Variants in NPAS3 observed in about 807,000 individuals in gnomAD.
NPAS3 encodes neuronal PAS domain-containing protein 3.
A neutral mutation model predicts 73.1 loss-of-function variants in NPAS3; 14 were observed. That is an observed-to-expected ratio of 0.19 (90% confidence interval 0.13 to 0.30). NPAS3 has a LOEUF of 0.30. NPAS3 is among the 10% of genes least tolerant of loss of function. NPAS3 has a pLI of 1.00. For synonymous variants in NPAS3, 620 were observed against 541.5 expected (o/e 1.14, Z -2.01); for missense variants, 1,096 against 1,250.0 (o/e 0.88, Z 1.86).
intron 3 of NPAS3, among the ~76,000 whole-genome samples, chr14:33,236,448 A>T (rs2048036835): frequency 6.6e-6 from 1 of 152,162 alleles, no homozygotes; most frequent in East Asian, 1.9e-4. Context: ...TGGAGCTTGG[A>T]GAAATAGAAG....
chr14:33,553,762 C>A (rs1469573211), intron 4 of NPAS3, among the ~76,000 whole-genome samples: 1 of 152,116 alleles, frequency 6.6e-6, no homozygotes. Context: ...GAAAATAAGG[C>A]TTTTGTTTCT....
intron 5 of NPAS3, among the ~76,000 whole-genome samples, chr14:33,584,070 C>A (rs1021363008): frequency 6.6e-6 from 1 of 152,154 alleles, no homozygotes; most frequent in Non-Finnish European, 1.5e-5. Flanking sequence ...GTACCTTTGT[C>A]ACCAATAGAA....
intron 6 of NPAS3, among the ~76,000 whole-genome samples, chr14:33,697,325 T>C (rs925318739): frequency 6.6e-6 from 1 of 152,198 alleles, no homozygotes; most frequent in Non-Finnish European, 1.5e-5. Context: ...AGCCAGAGCT[T>C]ACATAACAGA....
chr14:33,587,618 C>A (rs971374110), intron 5 of NPAS3, among the ~76,000 whole-genome samples: 1 of 152,182 alleles, frequency 6.6e-6, no homozygotes, highest in African/African-American at 2.4e-5. Context: ...ATCAGGCCAT[C>A]AAAGAAACTC....
intron 3 of NPAS3, among the ~76,000 whole-genome samples, chr14:33,253,469 CA>C (rs960932806): frequency 4.6e-5 from 7 of 152,062 alleles, no homozygotes; most frequent in Non-Finnish European, 1.0e-4. Context: ...TTATGAGAAG[CA>C]GCTCCTCACA....
chr14:33,370,348 G>T (rs2046032565), intron 4 of NPAS3, among the ~76,000 whole-genome samples: 1 of 152,146 alleles, frequency 6.6e-6, no homozygotes, highest in Non-Finnish European at 1.5e-5. Context: ...GCAAAGAAAA[G>T]GGAAGAATAT....
At chr14:33,095,176 G>T (rs1252144990) in intron 2 of NPAS3, among the ~76,000 whole-genome samples, 3 of 152,210 alleles carry the variant, frequency 2.0e-5, no homozygotes, top group African/African-American at 7.2e-5. Flanking sequence ...AAAATTGGAG[G>T]CTGTGCGGTG....
chr14:33,562,417 C>T (rs1416333010), intron 5 of NPAS3, among the ~76,000 whole-genome samples: 2 of 152,148 alleles, frequency 1.3e-5, no homozygotes, highest in African/African-American at 4.8e-5. Context: ...GCCTTCTTCT[C>T]CTGTGGTGGA....
intron 4 of NPAS3, among the ~76,000 whole-genome samples, chr14:33,413,201 GACA>G (rs983234765): frequency 6.6e-6 from 1 of 151,238 alleles, no homozygotes; most frequent in African/African-American, 2.4e-5. Flanking sequence ...CATATGTGAG[GACA>G]ACACTTTTCT....
intron 5 of NPAS3, among the ~76,000 whole-genome samples, chr14:33,594,656 T>C (rs1017836692): frequency 3.3e-5 from 5 of 152,164 alleles, no homozygotes; most frequent in Admixed American, 6.5e-5. Context: ...TCTTTAGTTC[T>C]CAGCCCTGAG....
intron 1 of NPAS3, among the ~76,000 whole-genome samples, chr14:33,026,793 G>A (rs1048051368): frequency 6.6e-6 from 1 of 151,982 alleles, no homozygotes; most frequent in Non-Finnish European, 1.5e-5. Context: ...CCTTTTTATT[G>A]CTTTTGTTAA....
At chr14:33,139,935 C>T (rs991729639) in intron 2 of NPAS3, among the ~76,000 whole-genome samples, 6 of 115,196 alleles carry the variant, frequency 5.2e-5, no homozygotes, top group Non-Finnish European at 9.8e-5. Flanking sequence ...TAATATTCTG[C>T]CTGCATGATT....
intron 5 of NPAS3, among the ~76,000 whole-genome samples, chr14:33,580,858 G>T (rs574941182): frequency 6.7e-6 from 1 of 150,354 alleles, no homozygotes; most frequent in African/African-American, 2.4e-5. Flanking sequence ...ATATTTGGAA[G>T]AGCTGCTTTT....
chr14:33,210,499 G>A (rs1156742286), intron 2 of NPAS3, among the ~76,000 whole-genome samples: 1 of 152,052 alleles, frequency 6.6e-6, no homozygotes, highest in Non-Finnish European at 1.5e-5. Flanking sequence ...ACTTGTCCTG[G>A]GTGAGCTCTC....
At chr14:33,215,598 C>A in intron 3 of NPAS3, 172 bp downstream of exon 3, 1 of 785,226 alleles carries the variant, frequency 1.3e-6, no homozygotes, top group Non-Finnish European at 2.3e-6. Context: ...GTGAAATAAA[C>A]CTCTTATTTT....
At chr14:33,383,141 C>T (rs2046631304) in intron 4 of NPAS3, among the ~76,000 whole-genome samples, 1 of 150,404 alleles carries the variant, frequency 6.6e-6, no homozygotes. Flanking sequence ...ATGCATGCAC[C>T]CATGTGTGCT....
chr14:33,178,116 C>G (rs535702925), intron 2 of NPAS3, among the ~76,000 whole-genome samples: 10 of 144,846 alleles, frequency 6.9e-5, no homozygotes, highest in Non-Finnish European at 1.0e-4. Context: ...TGCTCTGTCG[C>G]CAGGTTGGAG....
intron 8 of NPAS3, among the ~76,000 whole-genome samples, chr14:33,775,408 G>A (rs550964343): frequency 1.2e-4 from 19 of 152,162 alleles, no homozygotes; most frequent in Non-Finnish European, 1.8e-4. Flanking sequence ...TATTCACTGA[G>A]CCCTGCAAGT....
intron 5 of NPAS3, among the ~76,000 whole-genome samples, chr14:33,616,687 G>A (rs761585471): frequency 1.1e-4 from 17 of 152,284 alleles, no homozygotes; most frequent in Middle Eastern, 3.4e-3. Flanking sequence ...CTTTAAAACC[G>A]CAACATTTTT....
Sources: gnomAD v4.1 joint callset for allele counts (sites outside exome capture counted in the v4.1 genomes callset) on GRCh38, gnomAD v4.1.1 for gene constraint, MANE v1.5 for transcripts, NCBI Gene and HGNC (gene_info 2026-07-23, HGNC 2026-07-21) for gene names.